The following FBXL17 variants were observed in gnomAD, a reference collection of about 807,000 sequenced individuals.
FBXL17 encodes the protein F-box/LRR-repeat protein 17.
Under a neutral mutation model 66.2 loss-of-function variants are expected in FBXL17, and 22 were observed. The ratio of observed to expected loss-of-function variants is 0.33; its 90% CI spans 0.24 to 0.47. FBXL17 has a LOEUF of 0.47. Among genes scored for constraint, FBXL17 ranks in the 20% least tolerant of loss-of-function variants. FBXL17 has a pLI of 1.00. For synonymous variants in FBXL17, 474 were observed against 400.5 expected, an observed-to-expected ratio of 1.18 and a Z score of -2.19; for missense variants, 878 against 948.2, an observed-to-expected ratio of 0.93 and a Z score of 0.97.
chr5:108,228,738 C>T (rs1479462874), intron 4 of FBXL17, among the ~76,000 whole-genome samples: 1 of 152,120 alleles, frequency 6.6e-6, no homozygotes, highest in East Asian at 1.9e-4. Context: ...ATTATAGTTT[C>T]TTCTCCTGGT....
chr5:108,147,038 T>C (rs1183355281), intron 6 of FBXL17, among the ~76,000 whole-genome samples: 1 of 152,212 alleles, frequency 6.6e-6, no homozygotes, highest in East Asian at 1.9e-4. Flanking sequence ...CCTCACATGG[T>C]GGAAGGGGAC....
At chr5:107,896,995 A>G (rs979326514) in intron 7 of FBXL17, among the ~76,000 whole-genome samples, 3 of 152,152 alleles carry the variant, frequency 2.0e-5, no homozygotes, top group African/African-American at 2.4e-5. Context: ...ACAGTAAATG[A>G]CAAATTAAAG....
At chr5:108,232,615 C>A (rs940743081) in intron 4 of FBXL17, among the ~76,000 whole-genome samples, 5 of 151,040 alleles carry the variant, frequency 3.3e-5, no homozygotes, top group African/African-American at 1.2e-4. Context: ...ACAGGCCTAG[C>A]GTCCCAGCAT....
intron 7 of FBXL17, among the ~76,000 whole-genome samples, chr5:107,924,780 T>C (rs1481398987): frequency 2.0e-5 from 3 of 152,172 alleles, no homozygotes; most frequent in Admixed American, 6.6e-5. Flanking sequence ...GAGTAAACCA[T>C]CCATCACGAA....
chr5:108,129,263 G>T (rs1225039902), intron 6 of FBXL17, among the ~76,000 whole-genome samples: 1 of 152,040 alleles, frequency 6.6e-6, no homozygotes. Context: ...TTGTTCTATA[G>T]TTGTATAGGC....
chr5:108,176,890 T>C (rs1021614103), intron 6 of FBXL17, among the ~76,000 whole-genome samples: 21 of 152,166 alleles, frequency 1.4e-4, no homozygotes, highest in Non-Finnish European at 3.1e-4. Flanking sequence ...AGAAAAACTT[T>C]GCCTGTTGTA....
intron 4 of FBXL17, among the ~76,000 whole-genome samples, chr5:108,341,805 G>C (rs140553796): frequency 2.1e-3 from 324 of 152,160 alleles, no homozygotes; most frequent in African/African-American, 7.0e-3. Context: ...ATATTTTTCT[G>C]ATGTTTTATC....
chr5:107,936,019 A>C (rs1383576667), intron 7 of FBXL17, among the ~76,000 whole-genome samples: 1 of 152,160 alleles, frequency 6.6e-6, no homozygotes, highest in Non-Finnish European at 1.5e-5. Context: ...CACTCAGTCA[A>C]ATCATCAACA....
chr5:107,959,381 A>AACACACACACACACACACACACACAC (rs57041975), intron 7 of FBXL17, among the ~76,000 whole-genome samples: 4 of 147,886 alleles, frequency 2.7e-5, no homozygotes, highest in Admixed American at 6.7e-5. Flanking sequence ...GGCTGCTATA[A>AACACACACACACACACACACACACAC]ACACACACAC....
chr5:108,355,181 T>G (rs1400524220), intron 3 of FBXL17, among the ~76,000 whole-genome samples: 1 of 151,964 alleles, frequency 6.6e-6, no homozygotes, highest in Non-Finnish European at 1.5e-5. Context: ...ATAATAATGA[T>G]GTATTTCATC....
intron 4 of FBXL17, among the ~76,000 whole-genome samples, chr5:108,344,725 G>T (rs1273405064): frequency 6.6e-6 from 1 of 152,128 alleles, no homozygotes; most frequent in African/African-American, 2.4e-5. Context: ...AGCAGAATCT[G>T]GTACAGGGAA....
At chr5:108,380,031 A>G (rs1212059586) in intron 1 of FBXL17, among the ~76,000 whole-genome samples, 1 of 152,210 alleles carries the variant, frequency 6.6e-6, no homozygotes, top group Non-Finnish European at 1.5e-5. Flanking sequence ...TACTTTCTGT[A>G]TGTGACCTTG....
chr5:108,279,875 T>G (rs1210242339), intron 4 of FBXL17, among the ~76,000 whole-genome samples: 1 of 151,684 alleles, frequency 6.6e-6, no homozygotes, highest in East Asian at 1.9e-4. Context: ...GAAGAAAGAA[T>G]TTTAGAACTT....
At chr5:108,331,248 A>G (rs1760109947) in intron 4 of FBXL17, among the ~76,000 whole-genome samples, 2 of 152,182 alleles carry the variant, frequency 1.3e-5, no homozygotes, top group South Asian at 4.1e-4. Context: ...ACAACCAACC[A>G]CATTTCCAAA....
intron 7 of FBXL17, among the ~76,000 whole-genome samples, chr5:107,967,591 T>C (rs1315663897): frequency 6.6e-6 from 1 of 151,240 alleles, no homozygotes; most frequent in Non-Finnish European, 1.5e-5. Context: ...AACAACAAGT[T>C]AATGGGTGCA....
chr5:108,016,161 A>G (rs1167774412), intron 7 of FBXL17, among the ~76,000 whole-genome samples: 1 of 152,204 alleles, frequency 6.6e-6, no homozygotes, highest in African/African-American at 2.4e-5. Context: ...GACCTCCTTG[A>G]CTTGGAAGAC....
At chr5:108,134,793 G>A (rs1751071650) in intron 6 of FBXL17, among the ~76,000 whole-genome samples, 1 of 152,124 alleles carries the variant, frequency 6.6e-6, no homozygotes, top group Non-Finnish European at 1.5e-5. Flanking sequence ...TTCCCCACAG[G>A]TTGGCAGCTT....
intron 6 of FBXL17, among the ~76,000 whole-genome samples, chr5:108,079,724 A>T (rs193010803): frequency 7.3e-4 from 111 of 152,328 alleles, no homozygotes; most frequent in African/African-American, 2.6e-3. Context: ...GCCAGCAATG[A>T]GGTTTTAAGG....
In FBXL17 at chr5:108,108,684, A is replaced by G. The variant is rs147310375; in HGVS notation, c.1745+77433T>C. On this transcript the variant is annotated intron_variant, in intron 6 of 8. Coordinates refer to ENST00000542267, the MANE Select transcript of FBXL17 (RefSeq NM_001163315.3). ...TTCAGCACTAAGTAGAACACTCCTT[A>G]CAAATCCTGGATCTGTGTCCTTACT... is the stretch of plus-strand genomic sequence containing the variant. 3.0e-3 allele frequency among the ~76,000 whole-genome samples: 458 copies of G among 152,276 alleles called. 5 individuals carry two copies. The highest frequency in any genetic ancestry group is 0.01 in the African/African-American group (435 of 41,558).
Sources: allele counts gnomAD v4.1 joint callset (sites outside exome capture counted in the v4.1 genomes callset), GRCh38; gene constraint gnomAD v4.1.1; transcripts MANE v1.5; gene names NCBI Gene and HGNC (gene_info 2026-07-23, HGNC 2026-07-21).